The following LYST variants were observed in gnomAD, a reference collection of about 807,000 sequenced individuals.
LYST encodes lysosomal trafficking regulator.
Under a neutral mutation model 413.6 loss-of-function variants are expected in LYST, and 192 were observed. That is an observed-to-expected ratio of 0.46 (90% CI 0.41 to 0.52). LYST has a LOEUF of 0.52. LYST is among the 20% of genes least tolerant of loss of function. LYST has a pLI of 0.00. For missense variants in LYST, 3,815 were observed against 4,499.9 expected, an observed-to-expected ratio of 0.85 and a Z score of 4.35; for synonymous variants, 1,525 against 1,567.3, an observed-to-expected ratio of 0.97 and a Z score of 0.64.
At chr1:235,676,992 C>T in intron 50 of LYST, 99 bp downstream of exon 50, 1 of 822,768 alleles carries the variant, frequency 1.2e-6, no homozygotes, top group Non-Finnish European at 2.2e-6. Context: ...TTAGATCTGG[C>T]AGGGACCTGA....
At chr1:235,679,533 A>C (rs1659648863) in intron 48 of LYST, among the ~76,000 whole-genome samples, 3 of 151,876 alleles carry the variant, frequency 2.0e-5, no homozygotes, top group Admixed American at 2.0e-4. Context: ...TCTTAGCTGT[A>C]TTTTTTTGTG....
intron 15 of LYST, 136 bp downstream of exon 15, chr1:235,781,791 T>C (rs896722634): frequency 7.4e-6 from 5 of 671,352 alleles, no homozygotes; most frequent in Non-Finnish European, 1.3e-5. Context: ...GGAACATAGA[T>C]GGATATTTTA....
At chr1:235,828,173 T>C in intron 3 of LYST, 1 of 962,720 alleles carries the variant, frequency 1.0e-6, no homozygotes, top group South Asian at 4.8e-5. Context: ...ATTTCAGTCA[T>C]TTAGTAATAC....
intron 50 of LYST, among the ~76,000 whole-genome samples, chr1:235,670,935 A>T (rs1185049218): frequency 6.6e-6 from 1 of 152,228 alleles, no homozygotes; most frequent in East Asian, 1.9e-4. Flanking sequence ...ACAAAGAGCA[A>T]AGCAGATAAT....
intron 39 of LYST, among the ~76,000 whole-genome samples, chr1:235,721,381 T>G (rs1031432441): frequency 4.6e-5 from 7 of 152,174 alleles, no homozygotes; most frequent in Non-Finnish European, 1.0e-4. Context: ...AAGTATCCTA[T>G]GTAAATAGGA....
chr1:235,859,946 G>C (rs1357004984), intron 1 of LYST, among the ~76,000 whole-genome samples: 2 of 152,164 alleles, frequency 1.3e-5, no homozygotes, highest in Non-Finnish European at 2.9e-5. Context: ...CATGAAGTTA[G>C]CTTAATATGA....
intron 1 of LYST, among the ~76,000 whole-genome samples, chr1:235,838,276 C>T (rs978954327): frequency 4.6e-5 from 7 of 152,120 alleles, no homozygotes; most frequent in African/African-American, 1.7e-4. Flanking sequence ...CAATGAGTAA[C>T]TAAATCAAGA....
chr1:235,861,077 G>C (rs866321718), intron 1 of LYST, among the ~76,000 whole-genome samples: 3 of 151,764 alleles, frequency 2.0e-5, no homozygotes, highest in African/African-American at 7.3e-5. Flanking sequence ...TATAAACATT[G>C]CTTTTTAAAG....
Position 235,674,502 on chromosome 1 carries a change from A to T in LYST, c.11038+2589T>A, listed in dbSNP as rs971372467. Reference sequence around the variant, plus strand: ...AGAGGTGCTAAATGAATTTAAAGCCAGGAATCAAATAGCTGCAGGATTTGA... The same window carrying T: ...AGAGGTGCTAAATGAATTTAAAGCCTGGAATCAAATAGCTGCAGGATTTGA... On this transcript the variant is annotated intron_variant, in intron 50 of 52. Transcript: ENST00000389793. This position sits in a 1 kb window ranked among gnomAD's most constrained non-coding sequence, Gnocchi z 4.1. Among the ~76,000 whole-genome samples the T allele has an allele frequency of 2.1e-4, 32 of 152,216 alleles. No homozygotes were observed. The highest frequency in any genetic ancestry group is 7.7e-4 in the African/African-American group (32 of 41,444).
intron 2 of LYST, among the ~76,000 whole-genome samples, chr1:235,832,027 T>G (rs1676045382): frequency 1.3e-5 from 2 of 152,232 alleles, no homozygotes; most frequent in African/African-American, 4.8e-5. Context: ...CCACAGCACT[T>G]AAGAGTACTG....
chr1:235,830,749 T>C (rs1041423154), intron 2 of LYST, among the ~76,000 whole-genome samples: 3 of 152,146 alleles, frequency 2.0e-5, no homozygotes, highest in Non-Finnish European at 4.4e-5. Flanking sequence ...ATAAACCCAT[T>C]ACTTATAAAA....
chr1:235,820,518 T>C (rs1674639581), intron 3 of LYST, among the ~76,000 whole-genome samples: 1 of 152,006 alleles, frequency 6.6e-6, no homozygotes, highest in Non-Finnish European at 1.5e-5. Context: ...TACAGGCACG[T>C]GCCACCACAC....
At chr1:235,787,083 A>G in intron 14 of LYST, 117 bp downstream of exon 14, 2 of 755,902 alleles carry the variant, frequency 2.6e-6, no homozygotes, top group African/African-American at 1.8e-5. Flanking sequence ...AATATAGTAA[A>G]TTTTATTATA....
At chr1:235,755,998 AATCTAT>A (rs59482097) in intron 24 of LYST, among the ~76,000 whole-genome samples, 39,661 of 142,516 alleles carry the variant, frequency 0.28, 5,769 homozygotes, top group Middle Eastern at 0.34. Context: ...TCTCTCTGCA[AATCTAT>A]ATCTATATCT....
At chr1:235,730,427 T>C (rs6659869) in intron 36 of LYST, among the ~76,000 whole-genome samples, 75,346 of 151,758 alleles carry the variant, frequency 0.5, 22,017 homozygotes, top group African/African-American at 0.81. Context: ...GTTATATTGC[T>C]GCTTGATGAT....
At chr1:235,864,694 C>T (rs912053132) in intron 1 of LYST, among the ~76,000 whole-genome samples, 2 of 152,136 alleles carry the variant, frequency 1.3e-5, no homozygotes, top group Non-Finnish European at 2.9e-5. Flanking sequence ...AATGTTGACA[C>T]GCCAAGGTGG....
chr1:235,785,134 C>G (rs183758565), intron 14 of LYST, among the ~76,000 whole-genome samples: 21 of 152,292 alleles, frequency 1.4e-4, no homozygotes, highest in Admixed American at 4.6e-4. Flanking sequence ...TCTTCCACCT[C>G]AAACTGTCCT....
intron 1 of LYST, among the ~76,000 whole-genome samples, chr1:235,879,387 G>A (rs1198742400): frequency 6.6e-6 from 1 of 152,196 alleles, no homozygotes; most frequent in African/African-American, 2.4e-5. Flanking sequence ...AAAGCAGGGA[G>A]CATATGGCGG....
Position 235,805,994 on chromosome 1 carries a change from T to C in LYST, c.3142A>G (p.Ile1048Val). The change falls in exon 6 of 53, where the codon ATA (isoleucine) becomes GTA (valine). Residue 1048 changes from isoleucine (I) to valine (V), a missense_variant. Around this residue, in one of 4 missense-constraint regions of LYST, gnomAD observed 1,648 missense variants for 1,810.3 expected, o/e 0.91. Transcript: ENST00000389793. ...TTTAGACTACCTAGTTCTGATGGTA[T>C]GGGGTCACTTTTTATAGCCAAAGAT... ...LLSLAIKSDP[I>V]PSELGSLKKS... is the part of the protein sequence containing the mutation. 3 of 1,613,890 alleles carry C rather than the reference T, an allele frequency of 1.9e-6. No homozygotes were observed. The highest frequency in any genetic ancestry group is 2.5e-6 in the Non-Finnish European group (3 of 1,179,834).
Sources: gnomAD v4.1 joint callset for allele counts (sites outside exome capture counted in the v4.1 genomes callset) on GRCh38, gnomAD v4.1.1 for gene constraint, gnomAD v4.1.1 regional missense constraint, Gnocchi (gnomAD v3.1) non-coding constraint, MANE v1.5 for transcripts, NCBI Gene and HGNC (gene_info 2026-07-23, HGNC 2026-07-21) for gene names.